GRIK1: variants seen among roughly 807,000 people sequenced by gnomAD.
GRIK1 encodes the protein glutamate receptor ionotropic, kainate 1.
Under a neutral mutation model 105.7 loss-of-function variants are expected in GRIK1, and 69 were observed. The ratio of observed to expected loss-of-function variants is 0.65; its 90% CI spans 0.54 to 0.80. GRIK1 has a LOEUF of 0.80. GRIK1 is among the 30% of genes least tolerant of loss of function. The pLI is 0.00. For missense variants in GRIK1, 1,109 were observed against 1,167.3 expected (o/e 0.95, Z 0.73); for synonymous variants, 438 against 431.3 (o/e 1.02, Z -0.19).
chr21:29,871,966 G>T (rs893854500), intron 1 of GRIK1, among the ~76,000 whole-genome samples: 4 of 145,702 alleles, frequency 2.7e-5, no homozygotes, highest in Non-Finnish European at 6.3e-5. Context: ...GTTTCGCCTT[G>T]TTGCCCAGGC....
intron 1 of GRIK1, among the ~76,000 whole-genome samples, chr21:29,782,386 C>T (rs2066148444): frequency 6.6e-6 from 1 of 152,130 alleles, no homozygotes; most frequent in African/African-American, 2.4e-5. Context: ...GGTAATGTTC[C>T]CTTTCTTTGG....
At chr21:29,883,873 T>A (rs2069513880) in intron 1 of GRIK1, among the ~76,000 whole-genome samples, 1 of 151,928 alleles carries the variant, frequency 6.6e-6, no homozygotes, top group Non-Finnish European at 1.5e-5. Flanking sequence ...ACAGAATAAT[T>A]AGAAAGAAAA....
rs115193115 is a variant in GRIK1 at position 29,838,812 on chromosome 21, A to G, written c.118+100571T>C. 3.0e-3 allele frequency among the ~76,000 whole-genome samples: 463 copies of G among 152,322 alleles called. 2 individuals are homozygous for G. The highest frequency in any genetic ancestry group is 0.011 in the African/African-American group (453 of 41,582). On this transcript the variant is annotated intron_variant, in intron 1 of 17. Coordinates refer to ENST00000327783, the MANE Select transcript of GRIK1 (RefSeq NM_001330994.2). ...AAGATCTAGCATGGTTTGCCTGAAAAAAGAAAACATGAAAACAAGATTCAT... is the reference window on the plus strand; with the variant it reads ...AAGATCTAGCATGGTTTGCCTGAAAGAAGAAAACATGAAAACAAGATTCAT...
intron 1 of GRIK1, among the ~76,000 whole-genome samples, chr21:29,932,333 C>T (rs924491595): frequency 1.1e-4 from 16 of 152,026 alleles, no homozygotes; most frequent in African/African-American, 3.6e-4. Context: ...AATATCATTG[C>T]TTGTTAATTT....
intron 1 of GRIK1, among the ~76,000 whole-genome samples, chr21:29,889,533 T>G (rs189518652): frequency 6.6e-6 from 1 of 152,196 alleles, no homozygotes; most frequent in African/African-American, 2.4e-5. Context: ...GTTCTTCTAT[T>G]CCAGTAAATA....
intron 7 of GRIK1, among the ~76,000 whole-genome samples, chr21:29,631,379 C>G (rs2062268165): frequency 6.6e-6 from 1 of 152,168 alleles, no homozygotes; most frequent in Admixed American, 6.5e-5. Context: ...TAAGAAGAGA[C>G]ATACAGCAGT....
At chr21:29,775,442 C>G (rs912820696) in intron 1 of GRIK1, among the ~76,000 whole-genome samples, 4 of 152,096 alleles carry the variant, frequency 2.6e-5, no homozygotes, top group Non-Finnish European at 4.4e-5. Flanking sequence ...CTCCAGCTAC[C>G]AAGGAGCTCA....
At chr21:29,631,241 A>G (rs1490636972) in intron 7 of GRIK1, among the ~76,000 whole-genome samples, 6 of 152,114 alleles carry the variant, frequency 3.9e-5, no homozygotes, top group Non-Finnish European at 7.4e-5. Context: ...ATAATTGTGT[A>G]CCCCCACATT....
intron 1 of GRIK1, among the ~76,000 whole-genome samples, chr21:29,856,255 A>G (rs1341310324): frequency 6.6e-6 from 1 of 152,162 alleles, no homozygotes. Flanking sequence ...AGGAAGATGA[A>G]CCAGCAGAGG....
At chr21:29,839,886 A>C (rs972756637) in intron 1 of GRIK1, among the ~76,000 whole-genome samples, 10 of 152,182 alleles carry the variant, frequency 6.6e-5, no homozygotes, top group African/African-American at 2.2e-4. Context: ...TGACCTCAGT[A>C]GTGTGAAAGG....
intron 1 of GRIK1, among the ~76,000 whole-genome samples, chr21:29,847,394 G>A (rs1347743539): frequency 6.6e-6 from 1 of 152,172 alleles, no homozygotes; most frequent in Non-Finnish European, 1.5e-5. Context: ...AGGAGTTCGA[G>A]ACCATCCTGG....
rs565010028 is a variant in GRIK1, at chr21:29,809,284, A to G, written c.119-115221T>C. On this transcript the variant is annotated intron_variant, in intron 1 of 17. Transcript: ENST00000327783. Reference sequence around the variant, plus strand: ...TGCAATAAAGTGAATATTGCAGTAAAGCAAGTCATGCAAATTTTTCGGTTT... The same window carrying G: ...TGCAATAAAGTGAATATTGCAGTAAGGCAAGTCATGCAAATTTTTCGGTTT... 3.2e-4 allele frequency among the ~76,000 whole-genome samples: 49 copies of G among 152,332 alleles called. No individual in the cohort carries two copies. In the South Asian group the frequency reaches 9.7e-3, roughly 30 times the overall value.
chr21:29,644,911 T>C (rs1443061063), intron 6 of GRIK1, among the ~76,000 whole-genome samples: 9 of 152,354 alleles, frequency 5.9e-5, no homozygotes, highest in Admixed American at 3.9e-4. Context: ...CTTTATTCTT[T>C]TACAGATAAA....
chr21:29,774,430 G>A (rs1404540723), intron 1 of GRIK1, among the ~76,000 whole-genome samples: 2 of 143,846 alleles, frequency 1.4e-5, no homozygotes, highest in Admixed American at 7.1e-5. Flanking sequence ...ATCAAGTGCT[G>A]TTTCTTTATT....
chr21:29,864,712 T>C (rs1601886432), intron 1 of GRIK1, among the ~76,000 whole-genome samples: 2 of 152,308 alleles, frequency 1.3e-5, no homozygotes, highest in Admixed American at 1.3e-4. Context: ...ATGCACTTTG[T>C]CTTTAATGTG....
At chr21:29,593,774 C>T (rs952713133) in intron 9 of GRIK1, among the ~76,000 whole-genome samples, 2 of 152,076 alleles carry the variant, frequency 1.3e-5, no homozygotes, top group South Asian at 2.1e-4. Context: ...GAGGAACTAC[C>T]GTAATATTTG....
intron 4 of GRIK1, among the ~76,000 whole-genome samples, chr21:29,670,350 C>G (rs1056453387): frequency 6.6e-6 from 1 of 152,162 alleles, no homozygotes. Context: ...TCCTACTCCC[C>G]GCTGTACCAG....
At chr21:29,767,908 A>G (rs2145722724) in intron 1 of GRIK1, among the ~76,000 whole-genome samples, 1 of 147,694 alleles carries the variant, frequency 6.8e-6, no homozygotes, top group South Asian at 2.1e-4. Context: ...GTGTGTATGT[A>G]TTCCATGTAA....
chr21:29,581,386 C>G, intron 13 of GRIK1, 39 bp downstream of exon 13: 1 of 1,161,330 alleles, frequency 8.6e-7, no homozygotes. Flanking sequence ...TGTCAGCACA[C>G]TGTGGGATGC....
Sources: gnomAD v4.1 joint callset for allele counts (sites outside exome capture counted in the v4.1 genomes callset) on GRCh38, gnomAD v4.1.1 for gene constraint, MANE v1.5 for transcripts, NCBI Gene and HGNC (gene_info 2026-07-23, HGNC 2026-07-21) for gene names.